The following URB1 variants were observed in gnomAD, a reference collection of about 807,000 sequenced individuals.
URB1 encodes the protein URB1 ribosome biogenesis factor, also known as nucleolar pre-ribosomal-associated protein 1.
A neutral mutation model predicts 242.3 loss-of-function variants in URB1; 197 were observed. That is an observed-to-expected ratio of 0.81 (90% CI 0.72 to 0.91). The LOEUF (loss-of-function observed/expected upper bound fraction) is 0.91, where lower values mean the gene tolerates loss of function less well. URB1 is among the 40% of genes least tolerant of loss of function. The pLI is 0.00. For missense variants in URB1, 2,721 were observed against 2,860.5 expected (o/e 0.95, Z 1.11); for synonymous variants, 1,153 against 1,201.8 (o/e 0.96, Z 0.84).
rs1369684572 is a variant in URB1 at position 32,347,478 on chromosome 21, C to G, written c.3346G>C (p.Glu1116Gln). 1 of 1,551,172 alleles carries G rather than the reference C, an allele frequency of 6.4e-7. No homozygotes were observed. The highest frequency in any genetic ancestry group is 8.7e-7 in the Non-Finnish European group (1 of 1,146,766). The change falls in exon 22 of 39, where the codon GAG (glutamate) becomes CAG (glutamine). Residue 1116 changes from glutamate (E) to glutamine (Q), a missense_variant. Coordinates refer to ENST00000382751, the MANE Select transcript of URB1 (RefSeq NM_014825.3). The part of the protein sequence containing the change: ...EALQELHPYM[E>Q]GAQLREVTLA... The stretch of plus-strand genomic sequence containing the variant: ...GTGACCTCACGGAGCTGGGCACCCT[C>G]CATGTATGGATGCAGCTCCTGCAGG...
intron 1 of URB1, among the ~76,000 whole-genome samples, chr21:32,392,026 A>T (rs568502510): frequency 4.1e-5 from 6 of 148,032 alleles, no homozygotes; most frequent in African/African-American, 1.5e-4. Flanking sequence ...CCTGTCGTTT[A>T]AAAAAAAAAA....
intron 37 of URB1, 132 bp from the exon 38 acceptor site, chr21:32,317,197 G>A (rs35003644): frequency 0.032 from 41,228 of 1,269,544 alleles, 782 homozygotes; most frequent in Non-Finnish European, 0.038. Context: ...CTGCTCCCAC[G>A]TCAGGAGCCT....
intron 36 of URB1, among the ~76,000 whole-genome samples, chr21:32,318,972 G>T (rs1428154209): frequency 6.6e-6 from 1 of 152,206 alleles, no homozygotes; most frequent in Non-Finnish European, 1.5e-5. Context: ...ATGTTAACAA[G>T]TATGTTAAGT....
chr21:32,391,460 C>G (rs2033637494), intron 1 of URB1, among the ~76,000 whole-genome samples: 1 of 152,094 alleles, frequency 6.6e-6, no homozygotes, highest in Non-Finnish European at 1.5e-5. Flanking sequence ...CCCTCAGGCA[C>G]CATGTACCTC....
chr21:32,334,934 C>A (rs2032940679), intron 28 of URB1, among the ~76,000 whole-genome samples: 1 of 152,152 alleles, frequency 6.6e-6, no homozygotes, highest in African/African-American at 2.4e-5. Flanking sequence ...CAGAGGCCAC[C>A]TTGCCTTCCT....
chr21:32,319,586 T>C (rs2032740406), intron 35 of URB1, among the ~76,000 whole-genome samples, 172 bp from the exon 36 acceptor site: 3 of 152,250 alleles, frequency 2.0e-5, no homozygotes, highest in African/African-American at 7.2e-5. Context: ...AGGTGCACCG[T>C]CCTAACAGAA....
intron 30 of URB1, among the ~76,000 whole-genome samples, chr21:32,332,182 G>T (rs942701953): frequency 2.0e-5 from 3 of 152,042 alleles, no homozygotes; most frequent in African/African-American, 7.2e-5. Context: ...AACAGATCAC[G>T]GGCTTAAATT....
chr21:32,349,218 A>G, intron 21 of URB1, 86 bp downstream of exon 21: 2 of 1,418,172 alleles, frequency 1.4e-6, no homozygotes, highest in Middle Eastern at 1.8e-4. Context: ...CCCACAATGG[A>G]CCTATGTTTG....
At chr21:32,374,079 A>G (rs2033433866) in intron 6 of URB1, among the ~76,000 whole-genome samples, 1 of 152,208 alleles carries the variant, frequency 6.6e-6, no homozygotes, top group Non-Finnish European at 1.5e-5. Context: ...TTACTTATGA[A>G]GCATAAGCCT....
At chr21:32,333,102 AT>A (rs58683625) in intron 30 of URB1, 94,285 of 462,580 alleles carry the variant, frequency 0.2, 9,228 homozygotes, top group East Asian at 0.39. Flanking sequence ...TAAAATTACA[AT>A]TTTTTTTTTT....
chr21:32,392,313 T>C (rs1383853276), intron 1 of URB1, among the ~76,000 whole-genome samples: 2 of 152,170 alleles, frequency 1.3e-5, no homozygotes, highest in Non-Finnish European at 2.9e-5. Context: ...TGGTGGCTTC[T>C]AGTAGCTTGT....
At chr21:32,342,658 G>GA (rs58410106) in intron 24 of URB1, among the ~76,000 whole-genome samples, 147,619 of 147,628 alleles carry the variant, frequency 1, 73,805 homozygotes, top group Middle Eastern at 1. Context: ...GGAAGCACTA[G>GA]TGCCAACTTG....
chr21:32,354,214 T>G, intron 17 of URB1, 111 bp from the exon 18 acceptor site: 1 of 1,255,452 alleles, frequency 8.0e-7, no homozygotes, highest in Non-Finnish European at 1.1e-6. Flanking sequence ...AAAAGCCAAA[T>G]TCCTCTTGGG....
intron 24 of URB1, 139 bp from the exon 25 acceptor site, chr21:32,341,663 G>T (rs528249643): frequency 2.8e-6 from 2 of 726,958 alleles, no homozygotes; most frequent in South Asian, 1.9e-5. Flanking sequence ...TGATCAAAGG[G>T]TTGAAAAGAG....
rs762943988 is a variant in URB1 at position 32,361,136 on chromosome 21, A to G, written c.1640-13T>C. On this transcript the variant is annotated splice_polypyrimidine_tract_variant and intron_variant, in intron 12 of 38. Transcript: ENST00000382751. ...GTTTCTGCATCATCTGCACAAAAAA[A>G]AGAAAAAGAAAGAAAAAGAGAAAAA... 2 of 1,241,894 alleles carry G rather than the reference A, an allele frequency of 1.6e-6. No individual in the cohort carries two copies. Among genetic ancestry groups the G allele is most frequent in the South Asian group, 1.4e-5 (1 of 69,942 alleles). 76.9% of individuals were successfully genotyped at this position (1,241,894 alleles called of 1,614,324 possible). A position where few individuals can be genotyped will look rare whatever the true frequency, so the allele number is the denominator to read the frequency against.
intron 18 of URB1, among the ~76,000 whole-genome samples, chr21:32,353,162 G>A (rs1428006700): frequency 6.6e-6 from 1 of 152,172 alleles, no homozygotes; most frequent in African/African-American, 2.4e-5. Flanking sequence ...AAAAGGCCAG[G>A]CAAAAGCCAC....
At chr21:32,369,465 T>A (rs915319918) in intron 8 of URB1, among the ~76,000 whole-genome samples, 3 of 152,086 alleles carry the variant, frequency 2.0e-5, no homozygotes, top group African/African-American at 7.2e-5. Context: ...ATTTTTAAAA[T>A]TTTTTATTAT....
intron 9 of URB1, among the ~76,000 whole-genome samples, chr21:32,367,096 T>C (rs1447746817): frequency 6.6e-6 from 1 of 152,178 alleles, no homozygotes; most frequent in Non-Finnish European, 1.5e-5. Context: ...ACCTGACAAA[T>C]GATGTCAGGA....
intron 10 of URB1, among the ~76,000 whole-genome samples, chr21:32,365,834 A>G (rs1329724343): frequency 6.6e-6 from 1 of 152,222 alleles, no homozygotes; most frequent in Non-Finnish European, 1.5e-5. Context: ...AACCCCTCAC[A>G]GCCAACCTGT....
Sources: allele counts gnomAD v4.1 joint callset (sites outside exome capture counted in the v4.1 genomes callset), GRCh38; gene constraint gnomAD v4.1.1; transcripts MANE v1.5; gene names NCBI Gene and HGNC (gene_info 2026-07-23, HGNC 2026-07-21).